The following HIPK1 variants were observed in gnomAD, a reference collection of about 807,000 sequenced individuals.
The protein encoded by HIPK1 is homeodomain interacting protein kinase 1.
In HIPK1, 28 loss-of-function variants were observed where a neutral mutation model predicts 117.1. The ratio of observed to expected loss-of-function variants is 0.24; its 90% CI spans 0.18 to 0.33. The LOEUF (loss-of-function observed/expected upper bound fraction) is 0.33, where lower values mean the gene tolerates loss of function less well. Among genes scored for constraint, HIPK1 ranks in the 10% least tolerant of loss-of-function variants. The pLI is 1.00. For missense variants in HIPK1, 1,122 were observed against 1,475.1 expected (o/e 0.76, Z 3.92); for synonymous variants, 605 against 562.5 (o/e 1.08, Z -1.07).
At chr1:113,972,955 T>C in intron 15 of HIPK1, 69 bp from the exon 16 acceptor site, 1 of 1,486,456 alleles carries the variant, frequency 6.7e-7, no homozygotes, top group Non-Finnish European at 9.0e-7. Flanking sequence ...CCTGAGCTCT[T>C]AACTTGGCCT....
chr1:113,940,673 C>T lies in HIPK1; in HGVS notation c.290C>T (p.Thr97Ile). The T allele has an allele frequency of 1.2e-6, 2 of 1,614,226 alleles. No homozygotes were observed. The highest frequency in any genetic ancestry group is 1.7e-6 in the Non-Finnish European group (2 of 1,180,048). Reference sequence around the variant, plus strand: ...GCTGATAGCTCGGGCAGTGCTGCTACATCAACCTTCCAAAGCAGCCAGACC... The same window carrying T: ...GCTGATAGCTCGGGCAGTGCTGCTATATCAACCTTCCAAAGCAGCCAGACC... ...TAADSSGSAA[T>I]STFQSSQTLT... The change falls in exon 2 of 16, where the codon ACA becomes ATA. Residue 97 changes from threonine (T) to isoleucine (I), a missense_variant. Around this residue, in one of 6 missense-constraint regions of HIPK1, gnomAD observed 192 missense variants for 234.0 expected, o/e 0.82. Transcript: ENST00000426820.
At chr1:113,958,736 A>G (rs1045307297) in intron 8 of HIPK1, among the ~76,000 whole-genome samples, 1 of 152,254 alleles carries the variant, frequency 6.6e-6, no homozygotes, top group African/African-American at 2.4e-5. Context: ...TGTAAAAATC[A>G]TGTTTAAGAA....
At chr1:113,962,147 C>T (rs1672167443) in intron 8 of HIPK1, among the ~76,000 whole-genome samples, 170 bp from the exon 9 acceptor site, 1 of 152,052 alleles carries the variant, frequency 6.6e-6, no homozygotes, top group African/African-American at 2.4e-5. Flanking sequence ...GGGAAGTCTC[C>T]CTTTTCTTAA....
At chr1:113,969,058 GTGTTT>G (rs1483192966) in intron 13 of HIPK1, among the ~76,000 whole-genome samples, 9 of 152,158 alleles carry the variant, frequency 5.9e-5, no homozygotes, top group Non-Finnish European at 1.2e-4. Flanking sequence ...GAAGAAAAAG[GTGTTT>G]TGGAAGCATA....
chr1:113,936,173 C>T (rs1459309186), intron 1 of HIPK1, among the ~76,000 whole-genome samples: 43 of 152,172 alleles, frequency 2.8e-4, no homozygotes, highest in Non-Finnish European at 4.4e-5. Flanking sequence ...ACTGTAAGAA[C>T]CCCGGTGGTC....
At chr1:113,948,607 T>C (rs1037592805) in intron 2 of HIPK1, among the ~76,000 whole-genome samples, 1 of 151,906 alleles carries the variant, frequency 6.6e-6, no homozygotes, top group Admixed American at 6.6e-5. Flanking sequence ...TTTTGCTATT[T>C]GCCTTTTTAT....
In HIPK1 at chr1:113,963,493, C is replaced by T. The variant is rs751725223; in HGVS notation, c.2210C>T (p.Ala737Val). The T allele has an allele frequency of 1.4e-5, 22 of 1,614,174 alleles. No individual in the cohort carries two copies. The highest frequency in any genetic ancestry group is 1.8e-5 in the Non-Finnish European group (21 of 1,180,018). ...FTLSCAAGRP[A>V]LVEQTAAVLQ... ...CTGAGCTGCGCAGCCGGCCGGCCGG[C>T]GCTGGTTGAACAGACTGCCGCTGTA... The change falls in exon 10 of 16, where the codon GCG becomes GTG. Residue 737 changes from alanine (A) to valine (V), a missense_variant. Ala to Val is a moderately conservative substitution (Grantham distance 64, BLOSUM62 0). Transcript: ENST00000426820.
At chr1:113,946,567 G>C (rs919620176) in intron 2 of HIPK1, among the ~76,000 whole-genome samples, 1 of 152,046 alleles carries the variant, frequency 6.6e-6, no homozygotes, top group African/African-American at 2.4e-5. Flanking sequence ...TTAGGTTGCT[G>C]ATCTTTGTAT....
chr1:113,968,613 T>G lies in HIPK1; in HGVS notation c.2736T>G (p.Thr912=). 1 of 1,614,046 alleles carries G rather than the reference T, an allele frequency of 6.2e-7. No homozygotes were observed. The highest frequency in any genetic ancestry group is 8.5e-7 in the Non-Finnish European group (1 of 1,179,924). Residue 912 remains threonine (T), a synonymous_variant, in exon 13 of 16, where the codon ACT becomes ACG. Coordinates refer to ENST00000426820, the MANE Select transcript of HIPK1 (RefSeq NM_198268.3). ...PVSVITIRSD[T]DEEEDNKYKP... Reference sequence around the variant, plus strand: ...GTGTCATCACTATCCGAAGTGACACTGATGAGGAAGAGGACAACAAATACA... The same window carrying G: ...GTGTCATCACTATCCGAAGTGACACGGATGAGGAAGAGGACAACAAATACA...
chr1:113,939,340 T>TTTG (rs1553266111), intron 1 of HIPK1, among the ~76,000 whole-genome samples: 27 of 140,974 alleles, frequency 1.9e-4, no homozygotes, highest in Middle Eastern at 3.6e-3. Flanking sequence ...TTTTTTTTTT[T>TTTG]TTGTTGTTGT....
chr1:113,949,698 A>C (rs566586548), intron 2 of HIPK1, among the ~76,000 whole-genome samples: 101 of 150,906 alleles, frequency 6.7e-4, no homozygotes, highest in Non-Finnish European at 1.2e-3. Flanking sequence ...TCCTGGGTTC[A>C]AGCAATTCTC....
At chr1:113,949,863 GT>G (rs2101262304) in intron 2 of HIPK1, among the ~76,000 whole-genome samples, 1 of 152,218 alleles carries the variant, frequency 6.6e-6, no homozygotes, top group Admixed American at 6.5e-5. Flanking sequence ...GCCTCCCAAA[GT>G]GCTTGTATTA....
intron 1 of HIPK1, among the ~76,000 whole-genome samples, chr1:113,938,295 T>C (rs1342086188): frequency 6.6e-6 from 1 of 151,810 alleles, no homozygotes; most frequent in Non-Finnish European, 1.5e-5. Flanking sequence ...TTTCTTTTTT[T>C]TTTTTGTTAA....
At chr1:113,959,472 G>A (rs549359563) in intron 8 of HIPK1, among the ~76,000 whole-genome samples, 7 of 152,266 alleles carry the variant, frequency 4.6e-5, no homozygotes, top group South Asian at 2.1e-4. Flanking sequence ...TGGGATTGTC[G>A]TATGTTGAGT....
intron 2 of HIPK1, among the ~76,000 whole-genome samples, chr1:113,942,389 A>G (rs1368819558): frequency 1.3e-5 from 2 of 152,200 alleles, no homozygotes; most frequent in Non-Finnish European, 2.9e-5. Context: ...GAAATACACA[A>G]AGATATTTAC....
rs1296298570 is a variant in HIPK1 at position 113,973,272 on chromosome 1, T to C, written c.3393T>C (p.His1131=). ...AALGSTSSIA[H]LFSPQGSSRH... ...TGGGCTCAACCAGCTCCATTGCTCA[T>C]CTTTTCTCCCCACAGGGTTCCTCAA... Residue 1131 remains histidine, a synonymous_variant, in exon 16 of 16, where the codon CAT becomes CAC. Coordinates refer to ENST00000426820, the MANE Select transcript of HIPK1 (RefSeq NM_198268.3). 1 of 1,614,174 alleles carries C rather than the reference T, an allele frequency of 6.2e-7. No individual in the cohort carries two copies. The highest frequency in any genetic ancestry group is 1.1e-5 in the South Asian group (1 of 91,086).
intron 1 of HIPK1, chr1:113,930,869 T>G (rs1402208899): frequency 1.3e-5 from 2 of 152,348 alleles, no homozygotes; most frequent in Non-Finnish European, 1.5e-5. Context: ...AGTAAGTCTT[T>G]TCTTTACTTA....
At chr1:113,944,159 GTTTTT>G (rs140161727) in intron 2 of HIPK1, among the ~76,000 whole-genome samples, 3 of 55,216 alleles carry the variant, frequency 5.4e-5, no homozygotes, top group Admixed American at 2.6e-4. Flanking sequence ...ATAGCCATGG[GTTTTT>G]TTTTTTTTTT....
intron 10 of HIPK1, among the ~76,000 whole-genome samples, chr1:113,964,222 T>G (rs1672310170): frequency 6.6e-6 from 1 of 152,148 alleles, no homozygotes; most frequent in South Asian, 2.1e-4. Context: ...TTTTAGGAGT[T>G]TTGGGAGGAA....
Sources: allele counts gnomAD v4.1 joint callset (sites outside exome capture counted in the v4.1 genomes callset), GRCh38; gene constraint gnomAD v4.1.1; regional missense constraint gnomAD v4.1.1; transcripts MANE v1.5; gene names NCBI Gene and HGNC (gene_info 2026-07-23, HGNC 2026-07-21).